The following CYP20A1 variants were observed in gnomAD, a reference collection of about 807,000 sequenced individuals.
CYP20A1 encodes cytochrome P450 family 20 subfamily A member 1.
CYP20A1 carries 61 observed loss-of-function variants against 61.4 expected under a neutral mutation model. The ratio of observed to expected loss-of-function variants is 0.99; its 90% CI spans 0.81 to 1.23. CYP20A1 has a LOEUF of 1.23. CYP20A1 is among the 50% of genes most tolerant of loss of function. The pLI, the probability that CYP20A1 is intolerant of heterozygous loss-of-function variation, is 0.00. For synonymous variants in CYP20A1, 193 were observed against 188.2 expected (o/e 1.03, Z -0.21); for missense variants, 530 against 542.4 (o/e 0.98, Z 0.23).
At chr2:203,282,853 A>G (rs1010961018) in intron 8 of CYP20A1, among the ~76,000 whole-genome samples, 2 of 152,174 alleles carry the variant, frequency 1.3e-5, no homozygotes, top group African/African-American at 4.8e-5. Context: ...GTTATCTCTA[A>G]GCTATGAAAT....
intron 5 of CYP20A1, among the ~76,000 whole-genome samples, chr2:203,269,120 A>G (rs1306838326): frequency 1.3e-5 from 2 of 152,146 alleles, no homozygotes; most frequent in Non-Finnish European, 2.9e-5. Context: ...TACTTTTGAC[A>G]ACATTTAGAA....
Position 203,303,903 on chromosome 2 carries a change from G to T in CYP20A1, c.*6995G>T, listed in dbSNP as rs1312774037. ...AAAAAAAAAAAAAAAAACTTATTGA[G>T]AGAATAATATACCACTAATATTTAA... On this transcript the variant is annotated 3_prime_UTR_variant, in exon 13 of 13. Transcript: ENST00000356079. Among the ~76,000 whole-genome samples the T allele has an allele frequency of 6.7e-6, 1 of 148,846 alleles. No homozygotes were observed. The highest frequency in any genetic ancestry group is 2.5e-5 in the African/African-American group (1 of 40,484).
chr2:203,293,065 T>C (rs553895042), intron 11 of CYP20A1, among the ~76,000 whole-genome samples: 1 of 151,288 alleles, frequency 6.6e-6, no homozygotes, highest in South Asian at 2.1e-4. Flanking sequence ...TGCCAGCTAC[T>C]CGGGAGGCTG....
intron 3 of CYP20A1, among the ~76,000 whole-genome samples, chr2:203,248,287 A>G (rs1679280799): frequency 6.6e-6 from 1 of 152,168 alleles, no homozygotes; most frequent in Non-Finnish European, 1.5e-5. Flanking sequence ...GTGTCCCAGC[A>G]CTTTGGGAGG....
At chr2:203,252,833 A>G (rs1056282489) in intron 4 of CYP20A1, among the ~76,000 whole-genome samples, 1 of 152,012 alleles carries the variant, frequency 6.6e-6, no homozygotes. Flanking sequence ...GTGACTCCCC[A>G]CTTCGCGGTT....
intron 5 of CYP20A1, among the ~76,000 whole-genome samples, chr2:203,272,344 A>G (rs2152084258): frequency 6.6e-6 from 1 of 152,174 alleles, no homozygotes; most frequent in Non-Finnish European, 1.5e-5. Flanking sequence ...GGAGTTCAAG[A>G]ACAGCCTGAG....
intron 1 of CYP20A1, among the ~76,000 whole-genome samples, chr2:203,245,444 C>A (rs2066430036): frequency 6.7e-6 from 1 of 149,996 alleles, no homozygotes; most frequent in Non-Finnish European, 1.5e-5. Context: ...CAGATTATTT[C>A]ATCACCCAGG....
intron 1 of CYP20A1, 116 bp downstream of exon 1, chr2:203,239,250 C>T (rs1350298849): frequency 5.7e-6 from 5 of 870,886 alleles, no homozygotes; most frequent in Non-Finnish European, 5.5e-6. Context: ...GAGGAGGGTT[C>T]GGGTTCGCTC....
intron 5 of CYP20A1, among the ~76,000 whole-genome samples, chr2:203,269,279 A>ATTTTT (rs528970568): frequency 8.0e-6 from 1 of 125,294 alleles, no homozygotes. Context: ...CCTGTCTCCA[A>ATTTTT]TTTTTTTTTT....
In CYP20A1 at chr2:203,301,332, C is replaced by CT. The variant is rs1424103798; in HGVS notation, c.*4425dup. Among the ~76,000 whole-genome samples, 7 of 150,992 alleles carry CT rather than the reference C, an allele frequency of 4.6e-5. No homozygotes were observed. In the East Asian group the frequency reaches 9.7e-4, roughly 21 times the overall value. On this transcript the variant is annotated 3_prime_UTR_variant, in exon 13 of 13. Coordinates refer to ENST00000356079, the MANE Select transcript of CYP20A1 (RefSeq NM_177538.3). ...AGTGCATTGGCATGATCACAGCTTACTGTAGCCTCCACCTCCTGGGCTCCA... is the reference window on the plus strand; with the variant it reads ...AGTGCATTGGCATGATCACAGCTTACTTGTAGCCTCCACCTCCTGGGCTCCA...
chr2:203,287,698 A>C (rs895113641), intron 9 of CYP20A1, among the ~76,000 whole-genome samples: 2 of 102,802 alleles, frequency 1.9e-5, no homozygotes, highest in African/African-American at 3.2e-5. Context: ...GCAAGAACCT[A>C]TCTCTTAAAA....
intron 1 of CYP20A1, among the ~76,000 whole-genome samples, chr2:203,243,378 G>A (rs1227439058): frequency 3.9e-5 from 5 of 128,258 alleles, no homozygotes; most frequent in South Asian, 2.9e-4. Context: ...TCCTGACCTC[G>A]TGATCCACTC....
At chr2:203,262,315 C>T (rs917359259) in intron 4 of CYP20A1, among the ~76,000 whole-genome samples, 1 of 152,166 alleles carries the variant, frequency 6.6e-6, no homozygotes, top group Non-Finnish European at 1.5e-5. Flanking sequence ...GCCTCAGCCC[C>T]TCAAAGTGCT....
chr2:203,266,727 G>A (rs757972062), intron 5 of CYP20A1, 46 bp downstream of exon 5: 17 of 1,531,344 alleles, frequency 1.1e-5, no homozygotes, highest in South Asian at 2.3e-5. Context: ...GGCTGGGCAC[G>A]GCAGCTCACA....
chr2:203,296,927 T>C lies in CYP20A1; in HGVS notation c.*19T>C. ...ATATTAAAATTTTATACATTTAAAA[T>C]CATTGTTAAATTGATTGAGGAAAAC... On this transcript the variant is annotated 3_prime_UTR_variant, in exon 13 of 13. Coordinates refer to ENST00000356079, the MANE Select transcript of CYP20A1 (RefSeq NM_177538.3). 3 of 1,397,644 alleles carry C rather than the reference T, an allele frequency of 2.1e-6. No individual in the cohort carries two copies. The highest frequency in any genetic ancestry group is 2.9e-6 in the Non-Finnish European group (3 of 1,019,856). The allele number at this position is 1,397,644 out of a possible 1,614,324, so 86.6% of individuals were successfully genotyped here. A position where few individuals can be genotyped will look rare whatever the true frequency, so the allele number is the denominator to read the frequency against.
intron 3 of CYP20A1, 21 bp from the exon 4 acceptor site, chr2:203,251,946 T>C: frequency 1.3e-6 from 2 of 1,515,584 alleles, no homozygotes; most frequent in Non-Finnish European, 1.8e-6. Context: ...GATACAGAAA[T>C]ATTTAATTTG....
At chr2:203,270,736 CTTTT>C (rs551427259) in intron 5 of CYP20A1, among the ~76,000 whole-genome samples, 1 of 127,978 alleles carries the variant, frequency 7.8e-6, no homozygotes, top group African/African-American at 2.9e-5. Context: ...TTTTTTTTTT[CTTTT>C]TTTTTTTTTT....
intron 4 of CYP20A1, among the ~76,000 whole-genome samples, chr2:203,256,117 C>G (rs562317725): frequency 6.6e-6 from 1 of 151,810 alleles, no homozygotes; most frequent in African/African-American, 2.4e-5. Context: ...GCATGTGCCA[C>G]CATGCCTGGC....
At chr2:203,285,754 G>A (rs1167826871) in intron 9 of CYP20A1, 22 bp downstream of exon 9, 1 of 1,530,622 alleles carries the variant, frequency 6.5e-7, no homozygotes, top group East Asian at 2.3e-5. Flanking sequence ...ATAAAAAGAG[G>A]AGATTATTAA....
Sources: allele counts gnomAD v4.1 joint callset (sites outside exome capture counted in the v4.1 genomes callset), GRCh38; gene constraint gnomAD v4.1.1; transcripts MANE v1.5; gene names NCBI Gene and HGNC (gene_info 2026-07-23, HGNC 2026-07-21).